Variants in USP9X observed in about 807,000 individuals in gnomAD.
USP9X encodes ubiquitin carboxyl-terminal hydrolase 9X.
USP9X carries 7 observed loss-of-function variants against 190.3 expected under a neutral mutation model. The observed-to-expected ratio is 0.04, with a 90% CI of 0.02 to 0.07. The LOEUF is 0.07. USP9X is among the 10% of genes least tolerant of loss of function. The pLI is 1.00. For synonymous variants in USP9X, 645 were observed against 659.5 expected (o/e 0.98, Z 0.34); for missense variants, 1,010 against 1,916.9 (o/e 0.53, Z 8.83).
Position 41,123,498 on chromosome X carries a change from T to G in USP9X, c.-131T>G. On this transcript the variant is annotated 5_prime_UTR_variant, in exon 2 of 45. Transcript: ENST00000378308. ...TATGCAATGGTCTCTGCAAGATGGT[T>G]TATTCTTGAATTGGACCTTTTTAAG... 1 of 536,489 alleles carries G rather than the reference T, an allele frequency of 1.9e-6. No individual in the cohort carries two copies. Among genetic ancestry groups the G allele is most frequent in the Non-Finnish European group, 3.2e-6 (1 of 309,983 alleles). The allele number at this position is 536,489 out of a possible 1,213,427, so 44.2% of individuals were successfully genotyped here.
intron 22 of USP9X, 81 bp from the exon 23 acceptor site, chrX:41,184,316 A>G (rs2062853917): frequency 3.7e-6 from 4 of 1,078,773 alleles, no homozygotes; most frequent in South Asian, 4.6e-5. Flanking sequence ...GTTTCTTGGC[A>G]CTGACAATAG....
chrX:41,144,283 G>A (rs931193563), intron 10 of USP9X, among the ~76,000 whole-genome samples: 3 of 102,189 alleles, frequency 2.9e-5, no homozygotes, highest in Admixed American at 1.1e-4. Context: ...ACAGTGGCTC[G>A]ATACCGGCTC....
At chrX:41,211,645 C>G (rs1402227783) in intron 33 of USP9X, among the ~76,000 whole-genome samples, 1 of 108,827 alleles carries the variant, frequency 9.2e-6, no homozygotes, top group Non-Finnish European at 1.9e-5. Flanking sequence ...GCCAGCCGCC[C>G]CGTCCGGGAA....
At chrX:41,112,542 C>A (rs1274622238) in intron 1 of USP9X, among the ~76,000 whole-genome samples, 1 of 111,660 alleles carries the variant, frequency 9.0e-6, no homozygotes, top group Admixed American at 9.5e-5. Flanking sequence ...TACTGTTGTG[C>A]TTGATACACA....
At chrX:41,224,323 A>AAT (rs1431046989) in intron 39 of USP9X, among the ~76,000 whole-genome samples, 1 of 111,648 alleles carries the variant, frequency 9.0e-6, no homozygotes, top group African/African-American at 3.3e-5. Flanking sequence ...AACTTGATTT[A>AAT]AAATGTTATT....
intron 35 of USP9X, 70 bp from the exon 36 acceptor site, chrX:41,217,150 A>G: frequency 9.0e-7 from 1 of 1,116,471 alleles, no homozygotes; most frequent in South Asian, 2.3e-5. Context: ...AAATTAATGG[A>G]AACACAGACT....
intron 30 of USP9X, 94 bp downstream of exon 30, chrX:41,198,844 ATTTC>A: frequency 1.2e-6 from 1 of 845,965 alleles, no homozygotes; most frequent in Non-Finnish European, 1.6e-6. Context: ...CAACTTACGT[ATTTC>A]TTTCAGTAAC....
chrX:41,211,798 G>T (rs1334045051), intron 33 of USP9X, among the ~76,000 whole-genome samples: 12 of 106,827 alleles, frequency 1.1e-4, no homozygotes, highest in Non-Finnish European at 2.4e-4. Flanking sequence ...GAAGTGAGGA[G>T]CCCCTCTGCC....
rs368497663 is a variant in USP9X, at chrX:41,164,911, C to A, written c.1986-961C>A. On this transcript the variant is annotated intron_variant, in intron 15 of 44. Transcript: ENST00000378308. ...TTCTGAACAAGCAGTAGGAAGTTTC[C>A]CGATTTTTCCTTTCTTTTTCCTCTC... Among the ~76,000 whole-genome samples, 35 of 111,714 alleles carry A rather than the reference C, an allele frequency of 3.1e-4. No homozygotes were observed. The East Asian group carries it at 9.3e-3, about 30-fold the overall frequency.
At chrX:41,217,449 G>A (rs2063222585) in intron 36 of USP9X, 106 bp downstream of exon 36, 1 of 907,099 alleles carries the variant, frequency 1.1e-6, no homozygotes, top group Non-Finnish European at 1.5e-6. Context: ...TTGAAGTTTG[G>A]AATATAGAAT....
At chrX:41,101,682 TA>T (rs199764787) in intron 1 of USP9X, among the ~76,000 whole-genome samples, 3 of 109,972 alleles carry the variant, frequency 2.7e-5, no homozygotes, top group Admixed American at 9.6e-5. Flanking sequence ...AAAAATAAAT[TA>T]AAAAAAATAA....
At chrX:41,130,069 A>G (rs947009691) in intron 3 of USP9X, among the ~76,000 whole-genome samples, 2 of 111,875 alleles carry the variant, frequency 1.8e-5, no homozygotes, top group African/African-American at 3.2e-5. Flanking sequence ...ACTGTTAACA[A>G]TCAATACATT....
At chrX:41,229,053 G>A (rs1358716026) in intron 41 of USP9X, 200 bp from the exon 42 acceptor site, 11 of 287,174 alleles carry the variant, frequency 3.8e-5, no homozygotes, top group South Asian at 2.5e-4. Flanking sequence ...GAAGTAAGCC[G>A]AGATGGCGCC....
chrX:41,197,429 G>A lies in USP9X; in HGVS notation c.4299G>A (p.Val1433=), dbSNP rs1180899802. 8.3e-7 allele frequency: 1 copy of A among 1,199,594 alleles called. No homozygotes were observed. The highest frequency in any genetic ancestry group is 1.1e-6 in the Non-Finnish European group (1 of 890,611). ...EETILEGHLG[V]TKELLAFQTS... ...CGATCTTAGAGGGCCACCTTGGAGT[G>A]ACAAAGGAGTTACTGGCCTTTCAAA... Residue 1433 remains valine, a synonymous_variant, in exon 29 of 45, where the codon GTG becomes GTA. Transcript: ENST00000378308.
In USP9X at chrX:41,198,767, G is replaced by A. The variant is rs1361107401; in HGVS notation, c.4603+17G>A. The A allele has an allele frequency of 8.8e-7, 1 of 1,138,195 alleles. No individual in the cohort carries two copies. The highest frequency in any genetic ancestry group is 1.2e-6 in the Non-Finnish European group (1 of 838,952). 93.8% of individuals were successfully genotyped at this position (1,138,195 alleles called of 1,213,427 possible). A position where few individuals can be genotyped will look rare whatever the true frequency, so the allele number is the denominator to read the frequency against. ...CAATAACTAGTAAGTATTTTTAATA[G>A]AATGTGATAATTGATCATTTCAATG... On this transcript the variant is annotated intron_variant, in intron 30 of 44. Transcript: ENST00000378308.
chrX:41,204,871 A>G (rs774918271), intron 31 of USP9X, among the ~76,000 whole-genome samples: 8 of 112,087 alleles, frequency 7.1e-5, no homozygotes, highest in African/African-American at 9.7e-5. Context: ...AAGAATGACT[A>G]TACTGATATA....
chrX:41,145,903 C>T (rs181128398), intron 11 of USP9X, among the ~76,000 whole-genome samples: 17 of 111,957 alleles, frequency 1.5e-4, no homozygotes, highest in Non-Finnish European at 2.6e-4. Context: ...ATGGAAAAAT[C>T]GCTGCCTTAT....
rs748019676 is a variant in USP9X, at chrX:41,174,288, A to G, written c.3148+2330A>G. Among the ~76,000 whole-genome samples the G allele has an allele frequency of 4.2e-4, 47 of 112,064 alleles. No individual in the cohort carries two copies. The South Asian group carries it at 4.8e-3, about 11-fold the overall frequency. ...GTATACAAATTCCACATCATTTTAT[A>G]TAAGGTATTTGAGCATCCCTGGATT... On this transcript the variant is annotated intron_variant, in intron 21 of 44. Transcript: ENST00000378308.
Position 41,196,237 on chromosome X carries a change from A to AT in USP9X, c.3978-8dup. ...GGAAATAATGTATTAAATGTGAAAC[A>AT]TTTTTTATTTCAGAACTGTTCGTCA... is the stretch of plus-strand genomic sequence containing the variant. On this transcript the variant is annotated splice_polypyrimidine_tract_variant and intron_variant, in intron 26 of 44. Transcript: ENST00000378308. The AT allele has an allele frequency of 1.7e-6, 2 of 1,206,746 alleles. No individual in the cohort carries two copies. Among genetic ancestry groups the AT allele is most frequent in the African/African-American group, 3.5e-5 (2 of 57,671 alleles).
Sources: gnomAD v4.1 joint callset for allele counts (sites outside exome capture counted in the v4.1 genomes callset) on GRCh38, gnomAD v4.1.1 for gene constraint, MANE v1.5 for transcripts, NCBI Gene and HGNC (gene_info 2026-07-23, HGNC 2026-07-21) for gene names.